DCC: variants seen among roughly 807,000 people sequenced by gnomAD.
DCC encodes netrin receptor DCC.
Under a neutral mutation model 172.5 loss-of-function variants are expected in DCC, and 58 were observed. The observed-to-expected ratio is 0.34, with a 90% CI of 0.27 to 0.42. The LOEUF is 0.42. DCC is among the 10% of genes least tolerant of loss of function. The pLI, the probability that DCC is intolerant of heterozygous loss-of-function variation, is 1.00. For missense variants in DCC, 1,740 were observed against 1,791.0 expected (o/e 0.97, Z 0.51); for synonymous variants, 709 against 644.5 (o/e 1.10, Z -1.52).
intron 1 of DCC, among the ~76,000 whole-genome samples, chr18:52,610,929 C>G (rs1471300245): frequency 6.6e-6 from 1 of 152,078 alleles, no homozygotes; most frequent in Non-Finnish European, 1.5e-5. Context: ...AGTTTGCTGA[C>G]TTTTAAGTAG....
chr18:53,417,667 T>A (rs12326053), intron 21 of DCC, among the ~76,000 whole-genome samples: 65,630 of 151,956 alleles, frequency 0.43, 15,987 homozygotes, highest in Non-Finnish European at 0.56. Flanking sequence ...AATTATATTT[T>A]AAAATAATAG....
intron 13 of DCC, among the ~76,000 whole-genome samples, chr18:53,312,308 T>A (rs2057281898): frequency 8.3e-6 from 1 of 121,002 alleles, no homozygotes; most frequent in Non-Finnish European, 1.6e-5. Context: ...GCCACTGCCC[T>A]CCAGCCTGGG....
chr18:52,968,222 C>T (rs1006254192), intron 5 of DCC, among the ~76,000 whole-genome samples: 5 of 152,184 alleles, frequency 3.3e-5, no homozygotes, highest in Middle Eastern at 3.4e-3. Flanking sequence ...TCTTGGTAGA[C>T]GTTGTTAGGG....
intron 1 of DCC, among the ~76,000 whole-genome samples, chr18:52,638,954 C>G (rs1428361402): frequency 6.6e-6 from 1 of 151,576 alleles, no homozygotes; most frequent in African/African-American, 2.4e-5. Flanking sequence ...ATATGACAGG[C>G]CATTCTCTCT....
At chr18:53,491,303 C>T (rs975832211) in intron 26 of DCC, among the ~76,000 whole-genome samples, 2 of 152,056 alleles carry the variant, frequency 1.3e-5, no homozygotes, top group Non-Finnish European at 2.9e-5. Context: ...AAATAAGAGA[C>T]CAAATTTCAA....
At chr18:52,399,462 C>T (rs1295168606) in intron 1 of DCC, among the ~76,000 whole-genome samples, 1 of 151,942 alleles carries the variant, frequency 6.6e-6, no homozygotes, top group Non-Finnish European at 1.5e-5. Flanking sequence ...GACTGATCAT[C>T]ATGAAGCCCA....
chr18:52,658,103 A>G (rs1306616599), intron 1 of DCC, among the ~76,000 whole-genome samples: 1 of 152,192 alleles, frequency 6.6e-6, no homozygotes, highest in East Asian at 1.9e-4. Flanking sequence ...TCCTATGTTT[A>G]TGACACGATT....
rs1310017509 is a variant in DCC, at chr18:53,183,518, T to G, written c.1573+4402T>G. Among the ~76,000 whole-genome samples, 5 of 152,112 alleles carry G rather than the reference T, an allele frequency of 3.3e-5. No individual in the cohort carries two copies. The East Asian group carries it at 7.7e-4, about 23-fold the overall frequency. On this transcript the variant is annotated intron_variant, in intron 9 of 28. Transcript: ENST00000442544. ...CCTTTAAGATCCTGTTAAGGCGGTT[T>G]AATCATAAAGGATGTTAAAATGGAC...
chr18:53,530,702 T>C lies in DCC; in HGVS notation c.*49T>C, dbSNP rs1340802724. 9.3e-6 allele frequency: 9 copies of C among 970,442 alleles called. 1 individual carries two copies. Among genetic ancestry groups the C allele is most frequent in the Admixed American group, 5.1e-5 (3 of 59,118 alleles). 60.1% of individuals were successfully genotyped at this position (970,442 alleles called of 1,614,324 possible). ...TGAATTTTCCGGGAACTTTGCAGCA[T>C]ACCAATTACCCATAAACAGCACACC... On this transcript the variant is annotated 3_prime_UTR_variant, in exon 29 of 29. Transcript: ENST00000442544.
intron 2 of DCC, among the ~76,000 whole-genome samples, chr18:52,879,881 T>G (rs1218620461): frequency 2.0e-5 from 3 of 152,152 alleles, no homozygotes; most frequent in Non-Finnish European, 4.4e-5. Flanking sequence ...AGGAAATATT[T>G]TTCATTTTAA....
chr18:53,438,418 T>C (rs1439391586), intron 22 of DCC, among the ~76,000 whole-genome samples: 1 of 152,220 alleles, frequency 6.6e-6, no homozygotes, highest in African/African-American at 2.4e-5. Context: ...TTGCCAGATA[T>C]TGCAATTAAA....
At chr18:52,717,594 G>C (rs2036405977) in intron 1 of DCC, among the ~76,000 whole-genome samples, 1 of 151,838 alleles carries the variant, frequency 6.6e-6, no homozygotes, top group African/African-American at 2.4e-5. Flanking sequence ...GAGTACAGGT[G>C]GTCTCTAAGG....
chr18:53,158,617 C>A (rs540857264), intron 8 of DCC, among the ~76,000 whole-genome samples: 8 of 151,928 alleles, frequency 5.3e-5, no homozygotes, highest in African/African-American at 1.9e-4. Context: ...TCAAAATGCT[C>A]TCCTTTGTAG....
chr18:53,014,502 ATTG>A (rs2041779441), intron 5 of DCC, among the ~76,000 whole-genome samples: 1 of 129,894 alleles, frequency 7.7e-6, no homozygotes, highest in Non-Finnish European at 1.5e-5. Flanking sequence ...ATGTGTTCTC[ATTG>A]TTCAATTCCC....
rs1010573149 is a variant in DCC, at chr18:53,177,837, C to T, written c.1419-1125C>T. On this transcript the variant is annotated intron_variant, in intron 8 of 28. Coordinates refer to ENST00000442544, the MANE Select transcript of DCC (RefSeq NM_005215.4). ...CAGAAATTTCGGGTTTGAGGATAAG[C>T]GAGCCAGTCTCTGCCATCAGTCATA... Among the ~76,000 whole-genome samples the T allele has an allele frequency of 1.6e-4, 24 of 152,172 alleles. No individual in the cohort carries two copies. In the South Asian group the frequency reaches 2.7e-3, roughly 17 times the overall value.
At chr18:52,843,374 C>G (rs1201112825) in intron 2 of DCC, among the ~76,000 whole-genome samples, 1 of 152,052 alleles carries the variant, frequency 6.6e-6, no homozygotes, top group Non-Finnish European at 1.5e-5. Context: ...TATTTGGATG[C>G]TAGAGAAGCA....
chr18:52,997,152 G>A (rs968402484), intron 5 of DCC, among the ~76,000 whole-genome samples: 4 of 152,064 alleles, frequency 2.6e-5, no homozygotes, highest in African/African-American at 7.2e-5. Context: ...GTTAAACAGG[G>A]AAGGTACAGG....
chr18:52,792,350 G>T (rs1296562410), intron 2 of DCC, among the ~76,000 whole-genome samples: 1 of 152,204 alleles, frequency 6.6e-6, no homozygotes, highest in Non-Finnish European at 1.5e-5. Flanking sequence ...GAGATTAAGA[G>T]ATGTGATGGT....
At chr18:53,038,349 AACAGACGTTTATTTCCCAGAG>A (rs1186404855) in intron 5 of DCC, among the ~76,000 whole-genome samples, 1 of 151,936 alleles carries the variant, frequency 6.6e-6, no homozygotes, top group Non-Finnish European at 1.5e-5. Flanking sequence ...TGGCTTAAAC[AACAGACGTTTATTTCCCAGAG>A]ACAGCACTAT....
Sources: allele counts gnomAD v4.1 joint callset (sites outside exome capture counted in the v4.1 genomes callset), GRCh38; gene constraint gnomAD v4.1.1; transcripts MANE v1.5; gene names NCBI Gene and HGNC (gene_info 2026-07-23, HGNC 2026-07-21).